Variants in ALCAM observed in about 807,000 individuals in gnomAD.
ALCAM encodes the protein CD166 antigen.
ALCAM carries 30 observed loss-of-function variants against 70.9 expected under a neutral mutation model. That is an observed-to-expected ratio of 0.42 (90% confidence interval 0.32 to 0.57). The LOEUF is 0.57. Ranked by LOEUF, ALCAM falls within the 20% of genes least tolerant of loss-of-function variation. The probability of loss-of-function intolerance (pLI) is 0.11; values close to 1 mark genes in which losing one functional copy is unlikely to be tolerated. For missense variants in ALCAM, 591 were observed against 695.1 expected (o/e 0.85, Z 1.68); for synonymous variants, 249 against 242.5 (o/e 1.03, Z -0.25).
intron 1 of ALCAM, among the ~76,000 whole-genome samples, chr3:105,435,378 A>G (rs1937028009): frequency 6.6e-6 from 1 of 152,226 alleles, no homozygotes; most frequent in Non-Finnish European, 1.5e-5. Flanking sequence ...TTCCTGAGTA[A>G]ATAAAAGGAG....
intron 1 of ALCAM, among the ~76,000 whole-genome samples, chr3:105,452,520 C>T (rs140887226): frequency 3.1e-4 from 47 of 152,158 alleles, no homozygotes; most frequent in East Asian, 7.7e-4. Flanking sequence ...TTGTAAATAG[C>T]GCTGCAGTAA....
chr3:105,519,168 T>TA (rs1576216708), intron 1 of ALCAM, among the ~76,000 whole-genome samples: 1 of 152,280 alleles, frequency 6.6e-6, no homozygotes, highest in East Asian at 1.9e-4. Context: ...AAACTAAGGT[T>TA]AAAAAATTGA....
At chr3:105,459,720 C>A (rs1937578075) in intron 1 of ALCAM, among the ~76,000 whole-genome samples, 1 of 152,072 alleles carries the variant, frequency 6.6e-6, no homozygotes, top group Non-Finnish European at 1.5e-5. Flanking sequence ...AGTACTCCAA[C>A]AAATTTCCTT....
At chr3:105,519,994 C>A in intron 1 of ALCAM, 73 bp from the exon 2 acceptor site, 1 of 947,484 alleles carries the variant, frequency 1.1e-6, no homozygotes, top group South Asian at 1.6e-5. Flanking sequence ...AGTTATTTGT[C>A]ATTTCAAGAA....
intron 1 of ALCAM, among the ~76,000 whole-genome samples, chr3:105,499,484 T>G (rs941536151): frequency 4.4e-4 from 67 of 152,226 alleles, no homozygotes; most frequent in African/African-American, 1.5e-3. Context: ...ATCATGTAAC[T>G]TTAACATGGC....
chr3:105,417,866 G>C (rs1482455653), intron 1 of ALCAM, among the ~76,000 whole-genome samples: 3 of 151,704 alleles, frequency 2.0e-5, no homozygotes, highest in African/African-American at 7.3e-5. Context: ...AATATTCTTG[G>C]AGTGATTGAT....
intron 1 of ALCAM, among the ~76,000 whole-genome samples, chr3:105,519,106 C>T (rs2152622419): frequency 6.6e-6 from 1 of 152,134 alleles, no homozygotes; most frequent in African/African-American, 2.4e-5. Context: ...TATGATACAC[C>T]TTAATAGACA....
chr3:105,377,087 C>T (rs1389486257), intron 1 of ALCAM, among the ~76,000 whole-genome samples: 1 of 152,052 alleles, frequency 6.6e-6, no homozygotes, highest in Non-Finnish European at 1.5e-5. Context: ...TGGAAACATA[C>T]CATATACATC....
Position 105,532,002 on chromosome 3 carries a change from A to G in ALCAM, c.395A>G (p.Lys132Arg). The change falls in exon 4 of 16, where the codon AAG (lysine) becomes AGG (arginine). Residue 132 changes from lysine to arginine, a missense_variant and splice_region_variant. By Grantham distance (26) the Lys-to-Arg change is conservative. Around this residue, in one of 2 missense-constraint regions of ALCAM, gnomAD observed 427 missense variants for 450.4 expected, o/e 0.95. Transcript: ENST00000306107. ...AAAATCTTTCTCTGCTTAACTTTAGAGCAACCATCTAAACCTGAAATTGTA... is the reference window on the plus strand; with the variant it reads ...AAAATCTTTCTCTGCTTAACTTTAGGGCAACCATCTAAACCTGAAATTGTA... ...FEAPTIVKVF[K>R]QPSKPEIVSK... The G allele has an allele frequency of 6.2e-7, 1 of 1,613,090 alleles. No individual in the cohort carries two copies. Among genetic ancestry groups the G allele is most frequent in the Non-Finnish European group, 8.5e-7 (1 of 1,179,550 alleles).
intron 14 of ALCAM, among the ~76,000 whole-genome samples, chr3:105,563,667 CTTTTTTTTTTTTT>C (rs749625480): frequency 1.7e-4 from 9 of 52,036 alleles, no homozygotes; most frequent in Admixed American, 1.0e-3. Flanking sequence ...CCAAGCATTT[CTTTTTTTTTTTTT>C]TTTTTTTTTT....
At chr3:105,436,367 G>A (rs1937048719) in intron 1 of ALCAM, among the ~76,000 whole-genome samples, 1 of 152,004 alleles carries the variant, frequency 6.6e-6, no homozygotes, top group Admixed American at 6.6e-5. Context: ...TTTTGAGACG[G>A]AGTCTCACTG....
At chr3:105,514,649 T>C (rs1281954551) in intron 1 of ALCAM, among the ~76,000 whole-genome samples, 5 of 152,002 alleles carry the variant, frequency 3.3e-5, no homozygotes. Flanking sequence ...GTACCTATCT[T>C]AAAACATAAT....
At chr3:105,453,681 T>C (rs1388701627) in intron 1 of ALCAM, among the ~76,000 whole-genome samples, 3 of 152,244 alleles carry the variant, frequency 2.0e-5, no homozygotes, top group Non-Finnish European at 4.4e-5. Context: ...ATTTTCATGA[T>C]ACTGATTCTT....
chr3:105,421,102 T>C (rs1026639561), intron 1 of ALCAM, among the ~76,000 whole-genome samples: 1 of 151,542 alleles, frequency 6.6e-6, no homozygotes, highest in Non-Finnish European at 1.5e-5. Flanking sequence ...AGGAGTTAGA[T>C]GTTTTCCTTA....
chr3:105,488,501 G>A (rs556623182), intron 1 of ALCAM, among the ~76,000 whole-genome samples: 1 of 152,144 alleles, frequency 6.6e-6, no homozygotes, highest in Non-Finnish European at 1.5e-5. Flanking sequence ...TACAAATTTG[G>A]ATAAAGACAT....
chr3:105,530,105 A>G (rs543004702), intron 3 of ALCAM, among the ~76,000 whole-genome samples: 7 of 152,140 alleles, frequency 4.6e-5, no homozygotes, highest in South Asian at 4.1e-4. Flanking sequence ...AACTGCATGT[A>G]TTACATCTAT....
chr3:105,550,883 A>T (rs1167101619), intron 12 of ALCAM, among the ~76,000 whole-genome samples: 1 of 151,650 alleles, frequency 6.6e-6, no homozygotes, highest in Non-Finnish European at 1.5e-5. Context: ...AGGGTAATAC[A>T]TACATACCAA....
intron 9 of ALCAM, 93 bp from the exon 10 acceptor site, chr3:105,547,056 C>A: frequency 4.7e-6 from 5 of 1,054,986 alleles, no homozygotes; most frequent in Non-Finnish European, 3.9e-6. Context: ...ATATTATTCC[C>A]AGAAGAATTG....
intron 1 of ALCAM, among the ~76,000 whole-genome samples, chr3:105,392,201 G>A (rs746622431): frequency 3.3e-5 from 5 of 151,766 alleles, no homozygotes; most frequent in Non-Finnish European, 7.4e-5. Context: ...TCTGGTCCTG[G>A]TCTTTTTTTT....
Sources: gnomAD v4.1 joint callset for allele counts (sites outside exome capture counted in the v4.1 genomes callset) on GRCh38, gnomAD v4.1.1 for gene constraint, gnomAD v4.1.1 regional missense constraint, MANE v1.5 for transcripts, NCBI Gene and HGNC (gene_info 2026-07-23, HGNC 2026-07-21) for gene names.